SEMA5A: variants seen among roughly 807,000 people sequenced by gnomAD.
The protein encoded by SEMA5A is semaphorin 5A, also known as semaphorin-5A.
A neutral mutation model predicts 135.5 loss-of-function variants in SEMA5A; 55 were observed. The observed-to-expected ratio is 0.41, with a 90% CI of 0.33 to 0.51. The LOEUF (loss-of-function observed/expected upper bound fraction) is 0.51, where lower values mean the gene tolerates loss of function less well. SEMA5A is among the 20% of genes least tolerant of loss of function. The pLI, the probability that SEMA5A is intolerant of heterozygous loss-of-function variation, is 0.37. For synonymous variants in SEMA5A, 580 were observed against 546.5 expected (o/e 1.06, Z -0.85); for missense variants, 1,290 against 1,419.9 (o/e 0.91, Z 1.47).
At position 9,353,734 on chromosome 5, in the gene SEMA5A, T is replaced by C. The variant is rs74712084; in HGVS notation, c.125-15922A>G. Among the ~76,000 whole-genome samples the C allele has an allele frequency of 4.3e-3, 651 of 152,288 alleles. 3 individuals carry two copies. The highest frequency in any genetic ancestry group is 0.015 in the African/African-American group (626 of 41,554). ...ATTACCCTCTTCACAAGTTGAGTATTTTCTACACTTTCACACAAAATCGTT... is the reference window on the plus strand; with the variant it reads ...ATTACCCTCTTCACAAGTTGAGTATCTTCTACACTTTCACACAAAATCGTT... On this transcript the variant is annotated intron_variant, in intron 3 of 22. Coordinates refer to ENST00000382496, the MANE Select transcript of SEMA5A (RefSeq NM_003966.3).
chr5:9,127,594 C>A (rs566791727), intron 13 of SEMA5A, among the ~76,000 whole-genome samples: 10 of 152,302 alleles, frequency 6.6e-5, no homozygotes, highest in Non-Finnish European at 1.3e-4. Flanking sequence ...TCTTTGGTTT[C>A]TTGGGTCCTT....
intron 16 of SEMA5A, among the ~76,000 whole-genome samples, chr5:9,093,550 T>C (rs972806201): frequency 4.0e-5 from 6 of 151,808 alleles, no homozygotes; most frequent in African/African-American, 1.5e-4. Flanking sequence ...CTACTAAAAA[T>C]ATAAAAGTTA....
chr5:9,327,134 C>T (rs1020546230), intron 4 of SEMA5A, among the ~76,000 whole-genome samples: 1 of 152,044 alleles, frequency 6.6e-6, no homozygotes, highest in Non-Finnish European at 1.5e-5. Flanking sequence ...AATAGTATCA[C>T]ATTATATTTA....
At chr5:9,076,514 T>G (rs926323818) in intron 16 of SEMA5A, among the ~76,000 whole-genome samples, 20 of 152,158 alleles carry the variant, frequency 1.3e-4, no homozygotes, top group African/African-American at 4.8e-4. Flanking sequence ...TAACTATAAT[T>G]AAGCAGAAAT....
At chr5:9,339,765 A>G (rs374306411) in intron 3 of SEMA5A, among the ~76,000 whole-genome samples, 44 of 152,328 alleles carry the variant, frequency 2.9e-4, no homozygotes, top group African/African-American at 9.9e-4. Flanking sequence ...AAGCTTTGAA[A>G]CGTTTTCAGG....
chr5:9,349,150 G>T (rs1561172254), intron 3 of SEMA5A, among the ~76,000 whole-genome samples: 1 of 152,156 alleles, frequency 6.6e-6, no homozygotes, highest in Non-Finnish European at 1.5e-5. Context: ...CTTGAAGAGA[G>T]GTCTAATAAG....
At chr5:9,295,137 CT>C (rs1751268332) in intron 5 of SEMA5A, among the ~76,000 whole-genome samples, 1 of 152,182 alleles carries the variant, frequency 6.6e-6, no homozygotes, top group African/African-American at 2.4e-5. Context: ...CTCCAGAGCT[CT>C]AGTTTCCCAG....
At position 9,151,045 on chromosome 5, in the gene SEMA5A, G is replaced by A. The variant is rs369478083; in HGVS notation, c.1481+3443C>T. On this transcript the variant is annotated intron_variant, in intron 12 of 22. Transcript: ENST00000382496. ...CATGTTGCAGTAGCTATGTGACTTT[G>A]AGCAGGACACCAAAAATATGAGCTG... 3.6e-3 allele frequency among the ~76,000 whole-genome samples: 545 copies of A among 152,276 alleles called. 2 individuals carry two copies. The highest frequency in any genetic ancestry group is 0.013 in the African/African-American group (525 of 41,556).
intron 16 of SEMA5A, among the ~76,000 whole-genome samples, chr5:9,070,482 A>G (rs1252102810): frequency 6.6e-6 from 1 of 152,224 alleles, no homozygotes; most frequent in South Asian, 2.1e-4. Context: ...AAAATCCTAC[A>G]TCTTCATAAA....
intron 11 of SEMA5A, among the ~76,000 whole-genome samples, chr5:9,165,548 T>C (rs1743558799): frequency 1.3e-5 from 2 of 152,198 alleles, no homozygotes; most frequent in African/African-American, 4.8e-5. Context: ...AGGCTGGAGA[T>C]TCATGTGGAC....
intron 3 of SEMA5A, among the ~76,000 whole-genome samples, chr5:9,361,156 G>A (rs375816028): frequency 7.9e-5 from 12 of 152,038 alleles, no homozygotes; most frequent in East Asian, 1.9e-4. Flanking sequence ...AAAATTAGCC[G>A]GGCAAGTTGG....
At chr5:9,346,720 C>G (rs1311675754) in intron 3 of SEMA5A, among the ~76,000 whole-genome samples, 1 of 152,170 alleles carries the variant, frequency 6.6e-6, no homozygotes, top group African/African-American at 2.4e-5. Context: ...CGTGTGTGCA[C>G]TCCATTTCCG....
At chr5:9,507,860 C>T (rs942713372) in intron 1 of SEMA5A, among the ~76,000 whole-genome samples, 8 of 151,900 alleles carry the variant, frequency 5.3e-5, no homozygotes, top group Non-Finnish European at 8.8e-5. Context: ...AAAAATTAGC[C>T]GGGCATGGTG....
At chr5:9,221,438 G>T (rs1406417173) in intron 8 of SEMA5A, among the ~76,000 whole-genome samples, 1 of 150,990 alleles carries the variant, frequency 6.6e-6, no homozygotes, top group African/African-American at 2.4e-5. Context: ...GAGTAGCTGG[G>T]ACTACAGGCG....
intron 5 of SEMA5A, among the ~76,000 whole-genome samples, chr5:9,295,911 T>A (rs1751313073): frequency 6.6e-6 from 1 of 152,240 alleles, no homozygotes; most frequent in Non-Finnish European, 1.5e-5. Context: ...TGAGTGGAAA[T>A]CATTGTTCTC....
intron 2 of SEMA5A, among the ~76,000 whole-genome samples, chr5:9,428,088 GTA>G (rs10536071): frequency 0.026 from 3,718 of 145,574 alleles, 67 homozygotes; most frequent in East Asian, 0.046. Context: ...ATATGTGTGT[GTA>G]TATATATATA....
intron 16 of SEMA5A, among the ~76,000 whole-genome samples, chr5:9,106,278 T>G (rs957535198): frequency 6.6e-6 from 1 of 152,256 alleles, no homozygotes; most frequent in African/African-American, 2.4e-5. Flanking sequence ...TTTCATAAAC[T>G]GTAATTCTAT....
chr5:9,383,295 A>G (rs1404830618), intron 2 of SEMA5A, among the ~76,000 whole-genome samples: 1 of 152,246 alleles, frequency 6.6e-6, no homozygotes, highest in East Asian at 1.9e-4. Flanking sequence ...GATGTATTTC[A>G]AAATAAAATA....
At chr5:9,093,943 CCCACACCTGTTGGTGCCCTTGACCCT>C (rs1458909879) in intron 16 of SEMA5A, among the ~76,000 whole-genome samples, 9 of 152,134 alleles carry the variant, frequency 5.9e-5, no homozygotes, top group African/African-American at 1.7e-4. Context: ...CCGAGTCCTG[CCCACACCTGTTGGTGCCCTTGACCCT>C]CCACACCTGT....
Sources: gnomAD v4.1 joint callset for allele counts (sites outside exome capture counted in the v4.1 genomes callset) on GRCh38, gnomAD v4.1.1 for gene constraint, MANE v1.5 for transcripts, NCBI Gene and HGNC (gene_info 2026-07-23, HGNC 2026-07-21) for gene names.